Variants in EVC2 observed in about 807,000 individuals in gnomAD.
EVC2 encodes limbin.
EVC2 carries 148 observed loss-of-function variants against 149.3 expected under a neutral mutation model. The observed-to-expected ratio is 0.99, with a 90% CI of 0.87 to 1.14. EVC2 has a LOEUF of 1.14. Among genes scored for constraint, EVC2 ranks in the 50% most tolerant of loss-of-function variants. EVC2 has a pLI of 0.00. For synonymous variants in EVC2, 776 were observed against 649.9 expected (o/e 1.19, Z -2.95); for missense variants, 1,854 against 1,627.3 (o/e 1.14, Z -2.40).
chr4:5,644,555 A>T (rs6854463), intron 9 of EVC2, among the ~76,000 whole-genome samples: 1 of 151,996 alleles, frequency 6.6e-6, no homozygotes, highest in East Asian at 1.9e-4. Context: ...TGCCCGCCTC[A>T]GCCTCTCAAA....
chr4:5,638,748 T>C lies in EVC2; in HGVS notation c.1470+1766A>G, dbSNP rs117201807. Among the ~76,000 whole-genome samples the C allele has an allele frequency of 7.2e-5, 11 of 152,160 alleles. No homozygotes were observed. The East Asian group carries it at 1.4e-3, about 19-fold the overall frequency. Reference sequence around the variant, plus strand: ...ACCTAAATTCAATGACAAATGTCCTTATAAGAGACAGGAGATGAGAGGGTT... The same window carrying C: ...ACCTAAATTCAATGACAAATGTCCTCATAAGAGACAGGAGATGAGAGGGTT... On this transcript the variant is annotated intron_variant, in intron 10 of 21. Transcript: ENST00000344408.
At position 5,618,457 on chromosome 4, in the gene EVC2, C is replaced by T. The variant is rs1560168677; in HGVS notation, c.2706+21G>A. 6.2e-7 allele frequency: 1 copy of T among 1,612,278 alleles called. No individual in the cohort carries two copies. The highest frequency in any genetic ancestry group is 1.7e-5 in the Admixed American group (1 of 60,028). ...GAGACGGCCCTGCTTCTGTAATCGG[C>T]CACTGACAGGTCCATCCTACCTGCA... On this transcript the variant is annotated intron_variant, in intron 15 of 21. Coordinates refer to ENST00000344408, the MANE Select transcript of EVC2 (RefSeq NM_147127.5). The surrounding 1 kb of genome is among the most constrained non-coding windows in gnomAD (Gnocchi z 4.4).
intron 12 of EVC2, 96 bp from the exon 13 acceptor site, chr4:5,626,004 G>A (rs922164849): frequency 8.1e-6 from 12 of 1,481,868 alleles, no homozygotes; most frequent in Admixed American, 3.4e-5. Flanking sequence ...ATATTAGTTT[G>A]GTTTGAATCA....
At chr4:5,675,423 C>T (rs1719922462) in intron 7 of EVC2, among the ~76,000 whole-genome samples, 1 of 152,186 alleles carries the variant, frequency 6.6e-6, no homozygotes. Flanking sequence ...TGGTTTAAAA[C>T]ATATTGATAG....
chr4:5,640,614 T>A lies in EVC2; in HGVS notation c.1370A>T (p.Glu457Val), dbSNP rs756822099. ...CTTCTTTCTTGTTTCCAGGTCACATTCAGCTGTCAATGCCACCATCTTCCG... is the reference window on the plus strand; with the variant it reads ...CTTCTTTCTTGTTTCCAGGTCACATACAGCTGTCAATGCCACCATCTTCCG... ...YDRKMVALTA[E>V]CDLETRKKME... The change falls in exon 10 of 22, where the codon GAA (glutamate) becomes GTA (valine). Residue 457 changes from glutamate (E) to valine (V), a missense_variant. Physicochemically the swap from Glu to Val is moderately radical, Grantham distance 121. Coordinates refer to ENST00000344408, the MANE Select transcript of EVC2 (RefSeq NM_147127.5). The surrounding 1 kb of genome is among the most constrained non-coding windows in gnomAD (Gnocchi z 4.6). 8.7e-6 allele frequency: 14 copies of A among 1,614,054 alleles called. No individual in the cohort carries two copies. In the African/African-American group the frequency reaches 1.7e-4, roughly 20 times the overall value.
chr4:5,706,979 A>G (rs564063550), intron 1 of EVC2, among the ~76,000 whole-genome samples: 3 of 152,226 alleles, frequency 2.0e-5, no homozygotes, highest in African/African-American at 7.2e-5. Flanking sequence ...CACCCTCAAC[A>G]CCACTGTGGC....
At chr4:5,650,634 T>G (rs931434698) in intron 9 of EVC2, among the ~76,000 whole-genome samples, 4,810 of 56,914 alleles carry the variant, frequency 0.085, 161 homozygotes, top group African/African-American at 0.17. Flanking sequence ...TATATATATA[T>G]ATATAGAGAG....
chr4:5,652,003 C>A (rs1371947990), intron 9 of EVC2, among the ~76,000 whole-genome samples: 1 of 152,202 alleles, frequency 6.6e-6, no homozygotes, highest in African/African-American at 2.4e-5. Context: ...TGACACGGAG[C>A]CTTGCAGGCC....
downstream of EVC2, among the ~76,000 whole-genome samples, chr4:5,538,845 A>C (rs1043223317): frequency 6.6e-6 from 1 of 152,234 alleles, no homozygotes; most frequent in East Asian, 1.9e-4. Context: ...TCCACGAAAA[A>C]CCCACAGCTA....
In EVC2 at chr4:5,562,773, AACAC is replaced by A. The variant is rs1722030833; in HGVS notation, c.*71_*74del. ...TTATATTTGCGAGTTGTGCATTATAAACACACAAACACCGGCGGGCAGGAGAAAA... is the reference window on the plus strand; with the variant it reads ...TTATATTTGCGAGTTGTGCATTATAAACAAACACCGGCGGGCAGGAGAAAA... On this transcript the variant is annotated 3_prime_UTR_variant, in exon 22 of 22. Transcript: ENST00000344408. This position sits in a 1 kb window ranked among gnomAD's most constrained non-coding sequence, Gnocchi z 4.3. The A allele has an allele frequency of 1.2e-6, 2 of 1,605,464 alleles. No homozygotes were observed. The highest frequency in any genetic ancestry group is 1.3e-5 in the African/African-American group (1 of 74,854).
At chr4:5,652,540 CA>C (rs1180112887) in intron 9 of EVC2, among the ~76,000 whole-genome samples, 2 of 152,130 alleles carry the variant, frequency 1.3e-5, no homozygotes, top group Non-Finnish European at 2.9e-5. Flanking sequence ...ACGAAGGTGT[CA>C]GCTCATGCAA....
At chr4:5,552,928 G>C (rs1461625219) in intron 21 of EVC2, among the ~76,000 whole-genome samples, 1 of 152,226 alleles carries the variant, frequency 6.6e-6, no homozygotes, top group East Asian at 1.9e-4. Context: ...CGATACAGTA[G>C]TTCCAAGCAA....
intron 21 of EVC2, among the ~76,000 whole-genome samples, chr4:5,549,510 C>G (rs1721693657): frequency 6.6e-6 from 1 of 152,220 alleles, no homozygotes; most frequent in Non-Finnish European, 1.5e-5. Flanking sequence ...TACCCATTTT[C>G]CAGCTGATGT....
chr4:5,565,311 A>T lies in EVC2; in HGVS notation c.3606T>A (p.Asp1202Glu). Residue 1202 changes from aspartate to glutamate, a missense_variant, in exon 21 of 22, where the codon GAT becomes GAA. Transcript: ENST00000344408. ...WQALDGKLRG[D>E]LISRGLEKML... ...TCTTTTCTAATCCTCTGCTTATCAG[A>T]TCTCCTCGCAGTTTGCCATCTAAGG... 1 of 1,613,992 alleles carries T rather than the reference A, an allele frequency of 6.2e-7. No individual in the cohort carries two copies. Among genetic ancestry groups the T allele is most frequent in the Non-Finnish European group, 8.5e-7 (1 of 1,180,004 alleles).
intron 9 of EVC2, among the ~76,000 whole-genome samples, chr4:5,659,265 A>G (rs1034925181): frequency 6.6e-6 from 1 of 152,146 alleles, no homozygotes; most frequent in African/African-American, 2.4e-5. Context: ...GAAAAATGCT[A>G]TTTTTAGTGG....
At position 5,576,271 on chromosome 4, in the gene EVC2, T is replaced by C; in HGVS notation, c.3241A>G (p.Ser1081Gly). 1.2e-6 allele frequency: 2 copies of C among 1,614,166 alleles called. No homozygotes were observed. The highest frequency in any genetic ancestry group is 1.7e-6 in the Non-Finnish European group (2 of 1,180,028). The change falls in exon 18 of 22, where the codon AGC (serine) becomes GGC (glycine). Residue 1081 changes from serine to glycine, a missense_variant. Physicochemically the swap from Ser to Gly is moderately conservative, Grantham distance 56. Coordinates refer to ENST00000344408, the MANE Select transcript of EVC2 (RefSeq NM_147127.5). The surrounding 1 kb of genome is among the most constrained non-coding windows in gnomAD (Gnocchi z 4.5). ...TGATGTTGCTCCAGTAATGTCTGGC[T>C]CTTGCTCAGGGCTTGGTGCAGGACA... ...STVLHQALSK[S>G]QTLLEQHQQC...
At chr4:5,598,890 C>T (rs562862940) in intron 16 of EVC2, among the ~76,000 whole-genome samples, 10 of 152,144 alleles carry the variant, frequency 6.6e-5, no homozygotes, top group African/African-American at 2.4e-4. Context: ...AACAAACAAC[C>T]CCATCAAAAA....
intron 9 of EVC2, among the ~76,000 whole-genome samples, chr4:5,661,381 A>G (rs372482762): frequency 1.7e-4 from 26 of 152,344 alleles, no homozygotes; most frequent in Admixed American, 1.4e-3. Context: ...GAAGAAGATA[A>G]CATCACCCTC....
In EVC2 at chr4:5,665,665, G is replaced by T; in HGVS notation, c.871-16C>A. 6.2e-7 allele frequency: 1 copy of T among 1,613,810 alleles called. No individual in the cohort carries two copies. The highest frequency in any genetic ancestry group is 8.5e-7 in the Non-Finnish European group (1 of 1,179,906). On this transcript the variant is annotated splice_polypyrimidine_tract_variant and intron_variant, in intron 7 of 21. Transcript: ENST00000344408. ...GCGGCAGAACCTGTGGAGACAAGAG[G>T]AGAGCAGGATTCATGTGTGGTCAGA...
Sources: allele counts gnomAD v4.1 joint callset (sites outside exome capture counted in the v4.1 genomes callset), GRCh38; gene constraint gnomAD v4.1.1; non-coding constraint Gnocchi (gnomAD v3.1); transcripts MANE v1.5; gene names NCBI Gene and HGNC (gene_info 2026-07-23, HGNC 2026-07-21).